Variants in ZNF536 observed in about 807,000 individuals in gnomAD.
The protein encoded by ZNF536 is zinc finger protein 536.
In ZNF536, 13 loss-of-function variants were observed where a neutral mutation model predicts 84.5. The observed-to-expected ratio is 0.15, with a 90% CI of 0.10 to 0.24. The LOEUF (loss-of-function observed/expected upper bound fraction) is 0.24, where lower values mean the gene tolerates loss of function less well. ZNF536 is among the 10% of genes least tolerant of loss of function. The probability of loss-of-function intolerance (pLI) is 1.00; values close to 1 mark genes in which losing one functional copy is unlikely to be tolerated. For missense variants in ZNF536, 1,536 were observed against 1,747.5 expected (o/e 0.88, Z 2.16); for synonymous variants, 811 against 742.5 (o/e 1.09, Z -1.50).
intron 1 of ZNF536, among the ~76,000 whole-genome samples, chr19:30,427,763 G>A (rs2051278282): frequency 1.3e-5 from 2 of 152,152 alleles, no homozygotes; most frequent in South Asian, 2.1e-4. Flanking sequence ...AGCATCATGT[G>A]TAATGTCTCT....
intron 1 of ZNF536, among the ~76,000 whole-genome samples, chr19:30,575,210 G>A (rs2046687659): frequency 6.6e-6 from 1 of 152,164 alleles, no homozygotes; most frequent in Admixed American, 6.5e-5. Flanking sequence ...CTCAACATTA[G>A]GGCATGGAAA....
At chr19:30,280,390 C>G (rs927617672) in intron 1 of ZNF536, among the ~76,000 whole-genome samples, 2 of 152,194 alleles carry the variant, frequency 1.3e-5, no homozygotes, top group Admixed American at 6.5e-5. Context: ...ATCCTTCTGT[C>G]TTAACTTCCC....
chr19:30,484,158 T>C (rs2054199987), intron 2 of ZNF536, among the ~76,000 whole-genome samples: 1 of 152,008 alleles, frequency 6.6e-6, no homozygotes, highest in South Asian at 2.1e-4. Context: ...CCATATACTC[T>C]GTTGAATGGA....
At chr19:30,356,608 G>A (rs1240119219) in intron 3 of ZNF536, among the ~76,000 whole-genome samples, 1 of 152,242 alleles carries the variant, frequency 6.6e-6, no homozygotes, top group Non-Finnish European at 1.5e-5. Flanking sequence ...GCTTTTGGAA[G>A]AAAAGATCCC....
At chr19:30,687,109 G>A (rs1236553061) in intron 1 of ZNF536, among the ~76,000 whole-genome samples, 2 of 151,912 alleles carry the variant, frequency 1.3e-5, no homozygotes, top group African/African-American at 2.4e-5. Context: ...ACAGAGTTGT[G>A]TATTCCAAAG....
intron 1 of ZNF536, among the ~76,000 whole-genome samples, chr19:30,582,218 G>T (rs1327273932): frequency 6.6e-6 from 1 of 152,110 alleles, no homozygotes; most frequent in Non-Finnish European, 1.5e-5. Context: ...GGGCAGACGT[G>T]CACCAAAGGG....
intron 1 of ZNF536, among the ~76,000 whole-genome samples, chr19:30,436,211 T>C (rs2051739959): frequency 6.6e-6 from 1 of 152,212 alleles, no homozygotes; most frequent in Non-Finnish European, 1.5e-5. Context: ...ACTCTGTTGG[T>C]TACACAGTTG....
intron 1 of ZNF536, among the ~76,000 whole-genome samples, chr19:30,700,251 T>C (rs2051877224): frequency 6.7e-6 from 1 of 149,724 alleles, no homozygotes; most frequent in South Asian, 2.1e-4. Flanking sequence ...TCTCTCTCTC[T>C]CTCTTTCTTT....
chr19:30,619,437 A>T (rs565278441), intron 1 of ZNF536, among the ~76,000 whole-genome samples: 5 of 152,320 alleles, frequency 3.3e-5, no homozygotes, highest in African/African-American at 1.2e-4. Context: ...GCCAAGCAGC[A>T]GACCAAGGTC....
Position 30,557,449 on chromosome 19 carries a change from C to T in ZNF536, c.*285C>T, listed in dbSNP as rs1177990160. The T allele has an allele frequency of 1.6e-5, 5 of 318,784 alleles. No homozygotes were observed. Among genetic ancestry groups the T allele is most frequent in the Non-Finnish European group, 2.9e-5 (5 of 174,294 alleles). 19.7% of individuals were successfully genotyped at this position (318,784 alleles called of 1,614,324 possible). ...GCAGGAGAGAAAACTCCCTCAAAGT[C>T]ATAAATCCTGAGTGACAACTGCTGC... On this transcript the variant is annotated 3_prime_UTR_variant, in exon 5 of 5. Transcript: ENST00000355537.
At chr19:30,266,296 T>C (rs1244877587) in intron 1 of ZNF536, among the ~76,000 whole-genome samples, 1 of 152,200 alleles carries the variant, frequency 6.6e-6, no homozygotes, top group Admixed American at 6.5e-5. Flanking sequence ...GTGATTCTCC[T>C]GCATCAGCCT....
chr19:30,357,485 G>A (rs189220459), intron 3 of ZNF536, among the ~76,000 whole-genome samples: 1 of 152,126 alleles, frequency 6.6e-6, no homozygotes, highest in Non-Finnish European at 1.5e-5. Context: ...ACCAGAGGGA[G>A]TGTCTTGAGA....
chr19:30,488,117 T>G (rs958301722), intron 2 of ZNF536, among the ~76,000 whole-genome samples: 1 of 152,206 alleles, frequency 6.6e-6, no homozygotes, highest in African/African-American at 2.4e-5. Flanking sequence ...TCAATTCTTC[T>G]TCATGGGATC....
chr19:30,641,861 G>A (rs1219485013), intron 1 of ZNF536, among the ~76,000 whole-genome samples: 1 of 152,216 alleles, frequency 6.6e-6, no homozygotes, highest in Non-Finnish European at 1.5e-5. Flanking sequence ...GATGGCAGTA[G>A]AGTGGGGCAA....
intron 1 of ZNF536, among the ~76,000 whole-genome samples, chr19:30,276,632 A>G (rs2145561063): frequency 6.6e-6 from 1 of 152,314 alleles, no homozygotes; most frequent in Non-Finnish European, 1.5e-5. Context: ...GAGCTTTTGT[A>G]ATGTGTGGGT....
chr19:30,703,833 T>C (rs1168249796), intron 1 of ZNF536, among the ~76,000 whole-genome samples: 1 of 152,162 alleles, frequency 6.6e-6, no homozygotes, highest in Non-Finnish European at 1.5e-5. Flanking sequence ...ACTCCTGTGA[T>C]ATAGTGTCAG....
chr19:30,280,056 A>G (rs535185475), intron 1 of ZNF536, among the ~76,000 whole-genome samples: 2 of 152,214 alleles, frequency 1.3e-5, no homozygotes, highest in African/African-American at 2.4e-5. Context: ...AGAATGGAAC[A>G]TGGGCCAGGA....
intron 2 of ZNF536, among the ~76,000 whole-genome samples, chr19:30,486,678 C>G (rs2054313615): frequency 6.6e-6 from 1 of 152,242 alleles, no homozygotes; most frequent in Non-Finnish European, 1.5e-5. Context: ...ATTCTCCACA[C>G]TGACTTCCTC....
intron 2 of ZNF536, among the ~76,000 whole-genome samples, chr19:30,331,380 A>G (rs2047207224): frequency 6.7e-6 from 1 of 149,588 alleles, no homozygotes; most frequent in Admixed American, 6.7e-5. Flanking sequence ...ACTGAATACT[A>G]TAAATCTTAG....
Sources: gnomAD v4.1 joint callset for allele counts (sites outside exome capture counted in the v4.1 genomes callset) on GRCh38, gnomAD v4.1.1 for gene constraint, MANE v1.5 for transcripts, NCBI Gene and HGNC (gene_info 2026-07-23, HGNC 2026-07-21) for gene names.